The following HNF4G variants were observed in gnomAD, a reference collection of about 807,000 sequenced individuals.
HNF4G encodes hepatocyte nuclear factor 4-gamma.
HNF4G carries 21 observed loss-of-function variants against 50.9 expected under a neutral mutation model. That is an observed-to-expected ratio of 0.41 (90% CI 0.29 to 0.59). The LOEUF is 0.59. Ranked by LOEUF, HNF4G falls within the 20% of genes least tolerant of loss-of-function variation. The pLI is 0.26. For missense variants in HNF4G, 527 were observed against 559.4 expected (o/e 0.94, Z 0.58); for synonymous variants, 198 against 185.6 (o/e 1.07, Z -0.54).
chr8:75,427,716 CTA>C (rs1408830313), intron 1 of HNF4G, among the ~76,000 whole-genome samples: 7 of 151,544 alleles, frequency 4.6e-5, no homozygotes, highest in African/African-American at 1.7e-4. Flanking sequence ...TGTAATAAGC[CTA>C]TGTTTCTTTG....
intron 1 of HNF4G, among the ~76,000 whole-genome samples, chr8:75,438,731 A>T (rs537391831): frequency 6.6e-6 from 1 of 152,268 alleles, no homozygotes; most frequent in Non-Finnish European, 1.5e-5. Context: ...AACAATATAT[A>T]TAAAAGAATT....
At chr8:75,538,621 C>G (rs1806532111), upstream of HNF4G, among the ~76,000 whole-genome samples, 1 of 152,152 alleles carries the variant, frequency 6.6e-6, no homozygotes, top group African/African-American at 2.4e-5. Context: ...GTCTACTTCT[C>G]TAAAAACTGA....
chr8:75,506,485 T>C (rs1304829159), intron 2 of HNF4G, among the ~76,000 whole-genome samples: 2 of 152,150 alleles, frequency 1.3e-5, no homozygotes, highest in Admixed American at 1.3e-4. Context: ...TAAATGTACA[T>C]GGGGAGAAAT....
chr8:75,518,742 CT>C (rs140140287), intron 2 of HNF4G, among the ~76,000 whole-genome samples: 97 of 149,636 alleles, frequency 6.5e-4, no homozygotes, highest in African/African-American at 2.1e-3. Flanking sequence ...CCCATGAAAT[CT>C]TTTTTTTTTC....
chr8:75,407,738 GAAAC>G (rs535181928), upstream of HNF4G, among the ~76,000 whole-genome samples: 291 of 152,182 alleles, frequency 1.9e-3, no homozygotes, highest in Non-Finnish European at 3.1e-3. Flanking sequence ...TCGGGAAAAA[GAAAC>G]AAACAAACAA....
chr8:75,444,949 T>A (rs1811387565), intron 1 of HNF4G, among the ~76,000 whole-genome samples: 1 of 144,202 alleles, frequency 6.9e-6, no homozygotes, highest in African/African-American at 2.7e-5. Context: ...TCTACAGAAC[T>A]CTGCACCCCA....
chr8:75,487,807 G>A (rs750040679), intron 1 of HNF4G, among the ~76,000 whole-genome samples: 1 of 152,150 alleles, frequency 6.6e-6, no homozygotes, highest in African/African-American at 2.4e-5. Flanking sequence ...CTGAAACTGG[G>A]TAATTTATAA....
chr8:75,447,430 A>C (rs1811448522), intron 1 of HNF4G, among the ~76,000 whole-genome samples: 1 of 135,442 alleles, frequency 7.4e-6, no homozygotes, highest in African/African-American at 2.8e-5. Flanking sequence ...AAATTGACAA[A>C]TGGGATCTAA....
rs1807412333 is a variant in HNF4G at position 75,564,744 on chromosome 8, CA to C, written c.*653del. ...ACTTTCTTTGAAGATGTATGTTAAG[CA>C]AAAACATGTTGCTTTTATCAGTTAG... On this transcript the variant is annotated 3_prime_UTR_variant, in exon 10 of 10. Transcript: ENST00000396423. 6.6e-6 allele frequency: 1 copy of C among 152,120 alleles called. No homozygotes were observed. Among genetic ancestry groups the C allele is most frequent in the Admixed American group, 6.6e-5 (1 of 15,252 alleles). 9.4% of individuals were successfully genotyped at this position (152,120 alleles called of 1,614,324 possible). A position where few individuals can be genotyped will look rare whatever the true frequency, so the allele number is the denominator to read the frequency against.
chr8:75,417,791 A>T (rs1231159244), intron 1 of HNF4G, among the ~76,000 whole-genome samples: 1 of 152,224 alleles, frequency 6.6e-6, no homozygotes, highest in African/African-American at 2.4e-5. Flanking sequence ...TAGATTTTGT[A>T]AAACCCTGAA....
intron 1 of HNF4G, among the ~76,000 whole-genome samples, chr8:75,480,510 A>G (rs1563522989): frequency 6.6e-6 from 1 of 152,234 alleles, no homozygotes; most frequent in Admixed American, 6.5e-5. Context: ...GAGGTGAAGT[A>G]AGTCCAACTT....
In HNF4G at chr8:75,560,455, C is replaced by A. The variant is rs779559823; in HGVS notation, c.1235C>A (p.Ala412Glu). 3 of 1,610,840 alleles carry A rather than the reference C, an allele frequency of 1.9e-6. No individual in the cohort carries two copies. The highest frequency in any genetic ancestry group is 2.5e-6 in the Non-Finnish European group (3 of 1,178,534). Residue 412 changes from alanine to glutamate, a missense_variant, in exon 9 of 10, where the codon GCA (alanine) becomes GAA (glutamate). Ala to Glu is a moderately radical substitution (Grantham distance 107). Coordinates refer to ENST00000396423, the MANE Select transcript of HNF4G (RefSeq NM_004133.5). ...LLGPMSTLVH[A>E]DQISTPETPL... Reference sequence around the variant, plus strand: ...GGTCCCATGTCAACACTGGTTCATGCAGACCAGATCTGTAAGTTTATAGAC... The same window carrying A: ...GGTCCCATGTCAACACTGGTTCATGAAGACCAGATCTGTAAGTTTATAGAC...
Position 75,445,527 on chromosome 8 carries a change from C to T in HNF4G, c.-144+37365C>T, listed in dbSNP as rs372924545. ...GAAAGGATCAACAAAATTGATAGAC[C>T]GCTAGCAAGACTAATAAAGAAAAAA... On this transcript the variant is annotated intron_variant, in intron 1 of 10. Coordinates refer to the HNF4G transcript ENST00000354370. Among the ~76,000 whole-genome samples the T allele has an allele frequency of 7.5e-3, 176 of 23,594 alleles. 2 individuals are homozygous for T. Among genetic ancestry groups the T allele is most frequent in the African/African-American group, 0.026 (110 of 4,216 alleles). 15.5% of individuals were successfully genotyped at this position (23,594 alleles called of 152,430 possible). A position where few individuals can be genotyped will look rare whatever the true frequency, so the allele number is the denominator to read the frequency against.
intron 2 of HNF4G, among the ~76,000 whole-genome samples, chr8:75,510,607 T>C (rs186359165): frequency 6.6e-6 from 1 of 152,334 alleles, no homozygotes; most frequent in East Asian, 1.9e-4. Flanking sequence ...CATTGTGTTA[T>C]AATTGCCTAT....
intron 2 of HNF4G, among the ~76,000 whole-genome samples, chr8:75,526,372 T>C (rs1806181158): frequency 6.6e-6 from 1 of 152,120 alleles, no homozygotes; most frequent in East Asian, 1.9e-4. Flanking sequence ...ACGTGGACAC[T>C]TTGGCATTCA....
At chr8:75,553,446 C>G (rs1313373383) in intron 5 of HNF4G, among the ~76,000 whole-genome samples, 4 of 152,006 alleles carry the variant, frequency 2.6e-5, no homozygotes, top group African/African-American at 9.7e-5. Flanking sequence ...ACTCCTCTGC[C>G]CTTTTGGAAT....
intron 1 of HNF4G, among the ~76,000 whole-genome samples, chr8:75,480,725 T>C (rs961331276): frequency 1.2e-4 from 17 of 141,528 alleles, no homozygotes; most frequent in African/African-American, 2.1e-4. Flanking sequence ...TTCTTTCTTT[T>C]TTTTTTTTTT....
chr8:75,458,164 A>C (rs1018641429), intron 1 of HNF4G, among the ~76,000 whole-genome samples: 1 of 152,042 alleles, frequency 6.6e-6, no homozygotes. Context: ...ATGTACATTT[A>C]GGAGGTAATA....
In HNF4G at chr8:75,435,687, G is replaced by A. The variant is rs78960960; in HGVS notation, c.-144+27525G>A. Among the ~76,000 whole-genome samples the A allele has an allele frequency of 6.2e-3, 947 of 152,194 alleles. 8 individuals carry two copies. The highest frequency in any genetic ancestry group is 0.056 in the East Asian group (291 of 5,160). On this transcript the variant is annotated intron_variant, in intron 1 of 10. Transcript: ENST00000354370. ...GGGCTCACTGCATCTTCTGCCTCCC[G>A]GATTCAAGCAATTCTCCTGACTCAG...
Sources: allele counts gnomAD v4.1 joint callset (sites outside exome capture counted in the v4.1 genomes callset), GRCh38; gene constraint gnomAD v4.1.1; transcripts MANE v1.5; gene names NCBI Gene and HGNC (gene_info 2026-07-23, HGNC 2026-07-21).